AGK: variants seen among roughly 807,000 people sequenced by gnomAD.
AGK encodes the protein acylglycerol kinase, mitochondrial.
In AGK, 52 loss-of-function variants were observed where a neutral mutation model predicts 66.4. That is an observed-to-expected ratio of 0.78 (90% CI 0.63 to 0.99). The LOEUF (loss-of-function observed/expected upper bound fraction) is 0.99, where lower values mean the gene tolerates loss of function less well. Among genes scored for constraint, AGK ranks in the 50% least tolerant of loss-of-function variants. The pLI, the probability that AGK is intolerant of heterozygous loss-of-function variation, is 0.00. For synonymous variants in AGK, 182 were observed against 181.1 expected (o/e 1.00, Z -0.04); for missense variants, 451 against 506.6 (o/e 0.89, Z 1.05).
At chr7:141,620,887 A>G (rs546336301) in intron 8 of AGK, among the ~76,000 whole-genome samples, 25 of 152,336 alleles carry the variant, frequency 1.6e-4, no homozygotes, top group African/African-American at 4.3e-4. Flanking sequence ...CCAGAGCCCA[A>G]CCTGCTGGAG....
chr7:141,555,304 C>A lies in AGK; in HGVS notation c.-14-149C>A. On this transcript the variant is annotated intron_variant, in intron 1 of 15. Coordinates refer to ENST00000649286, the MANE Select transcript of AGK (RefSeq NM_018238.4). The surrounding 1 kb of genome is among the most constrained non-coding windows in gnomAD (Gnocchi z 4.2). Reference sequence around the variant, plus strand: ...ATAGAAGGGAGAAGATGAGCTGAGGCCAGAGGAGAAGTGGTAAGGAGGAAG... The same window carrying A: ...ATAGAAGGGAGAAGATGAGCTGAGGACAGAGGAGAAGTGGTAAGGAGGAAG... 2 of 532,094 alleles carry A rather than the reference C, an allele frequency of 3.8e-6. No individual in the cohort carries two copies. Among genetic ancestry groups the A allele is most frequent in the South Asian group, 2.6e-5 (1 of 38,612 alleles). 33.0% of individuals were successfully genotyped at this position (532,094 alleles called of 1,614,324 possible).
chr7:141,649,315 G>C lies in AGK; in HGVS notation c.1028G>C (p.Gly343Ala), dbSNP rs576569803. The change falls in exon 14 of 16, where the codon GGA becomes GCA. Residue 343 changes from glycine to alanine, a missense_variant. Gly to Ala is a moderately conservative substitution (Grantham distance 60, BLOSUM62 0). Coordinates refer to ENST00000649286, the MANE Select transcript of AGK (RefSeq NM_018238.4). Reference sequence around the variant, plus strand: ...ATTGAACCTGACACCATCAGCAAAGGAGACTTTATAACTATAGGGTAAGTG... The same window carrying C: ...ATTGAACCTGACACCATCAGCAAAGCAGACTTTATAACTATAGGGTAAGTG... ...ICIEPDTISK[G>A]DFITIGSRKV... The C allele has an allele frequency of 6.2e-7, 1 of 1,613,288 alleles. No homozygotes were observed. Among genetic ancestry groups the C allele is most frequent in the East Asian group, 2.2e-5 (1 of 44,860 alleles).
intron 9 of AGK, among the ~76,000 whole-genome samples, chr7:141,631,163 GTATT>G (rs1394092276): frequency 1.3e-5 from 2 of 152,062 alleles, no homozygotes; most frequent in Non-Finnish European, 1.5e-5. Context: ...TAAATTTTAT[GTATT>G]TATTTATTAT....
chr7:141,568,617 G>A (rs1562960259), intron 2 of AGK, among the ~76,000 whole-genome samples: 1 of 151,050 alleles, frequency 6.6e-6, no homozygotes, highest in Non-Finnish European at 1.5e-5. Context: ...TGTCACCCAG[G>A]CTGGAGTGCA....
Position 141,615,585 on chromosome 7 carries a change from A to G in AGK, c.518+20A>G. 1 of 1,592,570 alleles carries G rather than the reference A, an allele frequency of 6.3e-7. No individual in the cohort carries two copies. Among genetic ancestry groups the G allele is most frequent in the South Asian group, 1.1e-5 (1 of 90,484 alleles). ...AGTCCAGTAGGTTGTCAATGTGGGGAATTAGCATTTGTGGGTGAGCGAGAC... is the reference window on the plus strand; with the variant it reads ...AGTCCAGTAGGTTGTCAATGTGGGGGATTAGCATTTGTGGGTGAGCGAGAC... On this transcript the variant is annotated intron_variant, in intron 8 of 15. Transcript: ENST00000649286.
At chr7:141,596,497 G>C in intron 3 of AGK, 65 bp from the exon 4 acceptor site, 1 of 1,418,900 alleles carries the variant, frequency 7.0e-7, no homozygotes, top group South Asian at 1.2e-5. Flanking sequence ...TGGAATGAAA[G>C]AATACATGTG....
At chr7:141,576,884 A>G (rs1265345502) in intron 2 of AGK, among the ~76,000 whole-genome samples, 1 of 151,664 alleles carries the variant, frequency 6.6e-6, no homozygotes, top group Non-Finnish European at 1.5e-5. Flanking sequence ...CTAAAAATAC[A>G]AAAAAATTAG....
At chr7:141,641,450 C>T in intron 12 of AGK, 52 bp downstream of exon 12, 1 of 1,553,470 alleles carries the variant, frequency 6.4e-7, no homozygotes, top group South Asian at 1.2e-5. Context: ...TTTAGAAGTG[C>T]CCTAAAGTAG....
At chr7:141,628,345 C>T (rs78851245) in intron 9 of AGK, among the ~76,000 whole-genome samples, 2,007 of 152,304 alleles carry the variant, frequency 0.013, 25 homozygotes, top group Middle Eastern at 0.027. Flanking sequence ...CGTGGTACAA[C>T]AGTCTCTGCT....
At chr7:141,597,116 CA>C (rs898579861) in intron 4 of AGK, 1 of 155,490 alleles carries the variant, frequency 6.4e-6, no homozygotes, top group Non-Finnish European at 1.4e-5. Flanking sequence ...GCCCATGGGA[CA>C]GGGGCCTGGA....
intron 2 of AGK, among the ~76,000 whole-genome samples, chr7:141,575,654 C>CA (rs1230795012): frequency 6.9e-5 from 4 of 58,250 alleles, no homozygotes; most frequent in Non-Finnish European, 9.9e-5. Flanking sequence ...TTACAAAGGC[C>CA]TTTTTTTTTT....
chr7:141,636,408 GA>G (rs1475233489), intron 10 of AGK, among the ~76,000 whole-genome samples: 1 of 152,040 alleles, frequency 6.6e-6, no homozygotes, highest in East Asian at 1.9e-4. Context: ...AATATTTGGG[GA>G]AAAAAATATT....
chr7:141,570,842 A>G (rs954548356), intron 2 of AGK, among the ~76,000 whole-genome samples: 4 of 152,180 alleles, frequency 2.6e-5, no homozygotes, highest in African/African-American at 9.6e-5. Flanking sequence ...ACATTGTTTT[A>G]CTGTACATTT....
chr7:141,649,315 G>A lies in AGK; in HGVS notation c.1028G>A (p.Gly343Glu). The A allele has an allele frequency of 1.2e-6, 2 of 1,613,288 alleles. No individual in the cohort carries two copies. Among genetic ancestry groups the A allele is most frequent in the Non-Finnish European group, 1.7e-6 (2 of 1,179,362 alleles). The change falls in exon 14 of 16, where the codon GGA (glycine) becomes GAA (glutamate). Residue 343 changes from glycine (G) to glutamate (E), a missense_variant. Transcript: ENST00000649286. ...ICIEPDTISKGDFITIGSRKV... is the reference protein window; with the variant it reads ...ICIEPDTISKEDFITIGSRKV... Reference sequence around the variant, plus strand: ...ATTGAACCTGACACCATCAGCAAAGGAGACTTTATAACTATAGGGTAAGTG... The same window carrying A: ...ATTGAACCTGACACCATCAGCAAAGAAGACTTTATAACTATAGGGTAAGTG...
chr7:141,601,503 C>T (rs1035806686), intron 5 of AGK, among the ~76,000 whole-genome samples: 11 of 152,202 alleles, frequency 7.2e-5, no homozygotes, highest in African/African-American at 2.7e-4. Flanking sequence ...TGACACCTTT[C>T]ATCTGAGAGA....
At chr7:141,560,785 G>A (rs540111358) in intron 2 of AGK, among the ~76,000 whole-genome samples, 74 of 147,870 alleles carry the variant, frequency 5.0e-4, no homozygotes, top group African/African-American at 1.7e-3. Flanking sequence ...TGCTGCAAGT[G>A]CCATTCTTTC....
chr7:141,633,616 A>G (rs987366012), intron 9 of AGK, among the ~76,000 whole-genome samples: 17 of 152,344 alleles, frequency 1.1e-4, no homozygotes, highest in Admixed American at 5.2e-4. Context: ...TCGAGAGGTA[A>G]CATAGTTAGG....
rs770737024 is a variant in AGK at position 141,652,898 on chromosome 7, C to G, written c.1243C>G (p.Gln415Glu). Reference sequence around the variant, plus strand: ...CTTCTGTGATCCTAGGAAGAGAGAACAGATGCTCACAAGCCCCACCCAGTG... The same window carrying G: ...CTTCTGTGATCCTAGGAAGAGAGAAGAGATGCTCACAAGCCCCACCCAGTG... ...QFFCDPRKRE[Q>E]MLTSPTQ The change falls in exon 16 of 16, where the codon CAG becomes GAG. Residue 415 changes from glutamine (Q) to glutamate (E), a missense_variant. Transcript: ENST00000649286. 1.2e-6 allele frequency: 2 copies of G among 1,613,888 alleles called. No homozygotes were observed. Among genetic ancestry groups the G allele is most frequent in the East Asian group, 2.2e-5 (1 of 44,870 alleles).
In AGK at chr7:141,611,210, C is replaced by G; in HGVS notation, c.313C>G (p.Gln105Glu). ...VTIVKTDYEG[Q>E]AKKLLELMEN... is the part of the protein sequence containing the mutation. ...GGTATTTCAGACAGATTATGAGGGA[C>G]AAGCCAAGAAACTCCTGGAACTGAT... Residue 105 changes from glutamine (Q) to glutamate (E), a missense_variant, in exon 6 of 16, where the codon CAA becomes GAA. Physicochemically the swap from Gln to Glu is conservative, Grantham distance 29 (BLOSUM62 2). Transcript: ENST00000649286. 6.2e-7 allele frequency: 1 copy of G among 1,612,844 alleles called. No individual in the cohort carries two copies. Among genetic ancestry groups the G allele is most frequent in the East Asian group, 2.2e-5 (1 of 44,816 alleles).
Sources: gnomAD v4.1 joint callset for allele counts (sites outside exome capture counted in the v4.1 genomes callset) on GRCh38, gnomAD v4.1.1 for gene constraint, Gnocchi (gnomAD v3.1) non-coding constraint, MANE v1.5 for transcripts, NCBI Gene and HGNC (gene_info 2026-07-23, HGNC 2026-07-21) for gene names.